The following GRID2 variants were observed in gnomAD, a reference collection of about 807,000 sequenced individuals.
The protein encoded by GRID2 is glutamate ionotropic receptor delta type subunit 2.
In GRID2, 33 loss-of-function variants were observed where a neutral mutation model predicts 114.8. That is an observed-to-expected ratio of 0.29 (90% CI 0.22 to 0.38). The LOEUF (loss-of-function observed/expected upper bound fraction) is 0.38. GRID2 is among the 10% of genes least tolerant of loss of function. The pLI is 1.00. For synonymous variants in GRID2, 505 were observed against 449.9 expected (o/e 1.12, Z -1.55); for missense variants, 1,184 against 1,257.7 (o/e 0.94, Z 0.89).
chr4:93,691,078 C>G (rs1334970339), intron 14 of GRID2, among the ~76,000 whole-genome samples: 2 of 151,152 alleles, frequency 1.3e-5, no homozygotes, highest in Admixed American at 6.6e-5. Flanking sequence ...TTATAAAAAA[C>G]TGTGCAATAG....
intron 14 of GRID2, among the ~76,000 whole-genome samples, chr4:93,657,788 G>A (rs1007127699): frequency 3.9e-5 from 6 of 152,132 alleles, no homozygotes; most frequent in Non-Finnish European, 5.9e-5. Flanking sequence ...CTCTCCTTGG[G>A]GGACTGTCTC....
At chr4:93,687,491 CA>C (rs1382738359) in intron 14 of GRID2, among the ~76,000 whole-genome samples, 1 of 151,790 alleles carries the variant, frequency 6.6e-6, no homozygotes, top group Non-Finnish European at 1.5e-5. Context: ...GAGGTGAGAT[CA>C]AAAGGCAGTA....
At chr4:92,736,528 C>T (rs969575063) in intron 2 of GRID2, among the ~76,000 whole-genome samples, 2 of 151,980 alleles carry the variant, frequency 1.3e-5, no homozygotes, top group African/African-American at 4.8e-5. Context: ...GAATTCTTAC[C>T]TATTTATTCC....
chr4:93,726,128 T>G (rs1729862681), intron 14 of GRID2, among the ~76,000 whole-genome samples: 1 of 152,224 alleles, frequency 6.6e-6, no homozygotes, highest in Non-Finnish European at 1.5e-5. Flanking sequence ...GTCTAACATG[T>G]AAGTCTTTAA....
chr4:93,469,701 A>G (rs572438961), intron 11 of GRID2, among the ~76,000 whole-genome samples: 52 of 152,236 alleles, frequency 3.4e-4, no homozygotes, highest in African/African-American at 1.2e-3. Flanking sequence ...AGGTTCAACC[A>G]CAGTAGGAAT....
intron 1 of GRID2, among the ~76,000 whole-genome samples, chr4:92,477,355 C>A (rs1164619722): frequency 6.6e-6 from 1 of 152,008 alleles, no homozygotes; most frequent in East Asian, 1.9e-4. Context: ...TTAGTTTAGA[C>A]TAAATGGACA....
At chr4:92,758,058 A>G (rs1379405894) in intron 2 of GRID2, among the ~76,000 whole-genome samples, 2 of 152,096 alleles carry the variant, frequency 1.3e-5, no homozygotes, top group Non-Finnish European at 2.9e-5. Context: ...AGCAGAGAAG[A>G]AGTGCATGTG....
chr4:93,619,823 C>G (rs941087920), intron 13 of GRID2, among the ~76,000 whole-genome samples: 1 of 152,174 alleles, frequency 6.6e-6, no homozygotes, highest in Non-Finnish European at 1.5e-5. Context: ...AAGCTGCATG[C>G]TTTCTGTGGC....
At chr4:93,732,854 C>T (rs1730607124) in intron 14 of GRID2, among the ~76,000 whole-genome samples, 1 of 151,464 alleles carries the variant, frequency 6.6e-6, no homozygotes, top group Non-Finnish European at 1.5e-5. Flanking sequence ...CATAATAATT[C>T]TAAGAAAACA....
intron 2 of GRID2, among the ~76,000 whole-genome samples, chr4:92,671,472 T>C (rs2149276556): frequency 6.6e-6 from 1 of 152,260 alleles, no homozygotes; most frequent in Non-Finnish European, 1.5e-5. Context: ...CATTCAGGCT[T>C]CCATTTTCAG....
intron 8 of GRID2, chr4:93,282,438 A>T: frequency 2.3e-6 from 1 of 434,204 alleles, no homozygotes; most frequent in East Asian, 7.2e-5. Context: ...TTCTTGCTGC[A>T]TCATCTTATG....
chr4:92,660,153 T>C (rs1732450737), intron 2 of GRID2, among the ~76,000 whole-genome samples: 1 of 151,402 alleles, frequency 6.6e-6, no homozygotes, highest in Non-Finnish European at 1.5e-5. Context: ...TCATTTTTAA[T>C]GGCTAATCAT....
At chr4:92,932,620 A>G (rs1750332059) in intron 2 of GRID2, among the ~76,000 whole-genome samples, 1 of 151,336 alleles carries the variant, frequency 6.6e-6, no homozygotes, top group African/African-American at 2.4e-5. Context: ...AACTATTCAT[A>G]TAGCACATTT....
chr4:93,043,426 G>A (rs1176392703), intron 2 of GRID2, among the ~76,000 whole-genome samples: 5 of 152,100 alleles, frequency 3.3e-5, no homozygotes, highest in African/African-American at 1.2e-4. Flanking sequence ...ATTACACAAT[G>A]GTGAAAATGT....
In GRID2 at chr4:92,821,770, G is replaced by A. The variant is rs149951327; in HGVS notation, c.244+231484G>A. ...ACACACATAGCAAGACCAAAAGGCA[G>A]TGATTCCTTTTTCCATTTCCAACTT... is the stretch of plus-strand genomic sequence containing the variant. On this transcript the variant is annotated intron_variant, in intron 2 of 15. Transcript: ENST00000282020. Among the ~76,000 whole-genome samples the A allele has an allele frequency of 7.9e-3, 1,199 of 152,212 alleles. 24 individuals carry two copies. The highest frequency in any genetic ancestry group is 0.027 in the African/African-American group (1,140 of 41,536).
At chr4:93,359,869 TAAAAAAAAAAAAAAAAA>T (rs1158118048) in intron 8 of GRID2, among the ~76,000 whole-genome samples, 2 of 23,596 alleles carry the variant, frequency 8.5e-5, no homozygotes, top group African/African-American at 1.8e-4. Flanking sequence ...AAGGAAGGTG[TAAAAAAAAAAAAAAAAA>T]AAAAAAAAAA....
chr4:93,006,406 A>T (rs1383994126), intron 2 of GRID2, among the ~76,000 whole-genome samples: 1 of 152,022 alleles, frequency 6.6e-6, no homozygotes, highest in Non-Finnish European at 1.5e-5. Flanking sequence ...GTCTAAGGAA[A>T]TATTGAGCAC....
At chr4:92,916,829 T>C (rs531335958) in intron 2 of GRID2, among the ~76,000 whole-genome samples, 9 of 152,004 alleles carry the variant, frequency 5.9e-5, no homozygotes, top group African/African-American at 2.2e-4. Context: ...TAGCTGTGTG[T>C]GTGTGTCTTT....
At chr4:92,678,376 A>G (rs1579825413) in intron 2 of GRID2, among the ~76,000 whole-genome samples, 1 of 152,228 alleles carries the variant, frequency 6.6e-6, no homozygotes, top group East Asian at 1.9e-4. Flanking sequence ...AAACCACCCA[A>G]CATTTTTTAA....
Sources: gnomAD v4.1 joint callset for allele counts (sites outside exome capture counted in the v4.1 genomes callset) on GRCh38, gnomAD v4.1.1 for gene constraint, MANE v1.5 for transcripts, NCBI Gene and HGNC (gene_info 2026-07-23, HGNC 2026-07-21) for gene names.